The following WWOX variants were observed in gnomAD, a reference collection of about 807,000 sequenced individuals.
The protein encoded by WWOX is WW domain containing oxidoreductase.
In WWOX, 69 loss-of-function variants were observed where a neutral mutation model predicts 46.2. The ratio of observed to expected loss-of-function variants is 1.49; its 90% CI spans 1.23 to 1.82. The LOEUF (loss-of-function observed/expected upper bound fraction) is 1.82, where lower values mean the gene tolerates loss of function less well. WWOX is among the 40% of genes most tolerant of loss of function. The pLI, the probability that WWOX is intolerant of heterozygous loss-of-function variation, is 0.00. For synonymous variants in WWOX, 359 were observed against 202.6 expected, an observed-to-expected ratio of 1.77 and a Z score of -6.56; for missense variants, 919 against 542.6, an observed-to-expected ratio of 1.69 and a Z score of -6.89.
intron 5 of WWOX, among the ~76,000 whole-genome samples, chr16:78,312,720 C>T (rs552572285): frequency 6.6e-6 from 1 of 152,280 alleles, no homozygotes; most frequent in South Asian, 2.1e-4. Flanking sequence ...TAGGATTTCT[C>T]TGCATTGGAG....
intron 8 of WWOX, among the ~76,000 whole-genome samples, chr16:78,460,317 G>T (rs371489847): frequency 6.6e-6 from 1 of 152,054 alleles, no homozygotes; most frequent in Admixed American, 6.6e-5. Context: ...TAGTAGAGGC[G>T]GAGTTTCACC....
intron 8 of WWOX, among the ~76,000 whole-genome samples, chr16:78,661,022 A>T (rs1024520675): frequency 6.6e-6 from 1 of 152,184 alleles, no homozygotes; most frequent in Non-Finnish European, 1.5e-5. Flanking sequence ...ACTATTACAC[A>T]TGACTTAGTA....
At chr16:78,292,574 G>A (rs2079876788) in intron 5 of WWOX, among the ~76,000 whole-genome samples, 1 of 151,682 alleles carries the variant, frequency 6.6e-6, no homozygotes. Context: ...GTCGGACTTA[G>A]AATATTTAAA....
At chr16:78,886,406 A>G (rs2044459182) in intron 8 of WWOX, among the ~76,000 whole-genome samples, 1 of 151,850 alleles carries the variant, frequency 6.6e-6, no homozygotes, top group Non-Finnish European at 1.5e-5. Flanking sequence ...GTAATTTTGA[A>G]TGGTGGCTTC....
intron 8 of WWOX, among the ~76,000 whole-genome samples, chr16:78,610,339 C>A (rs1335708863): frequency 6.6e-6 from 1 of 152,088 alleles, no homozygotes; most frequent in Non-Finnish European, 1.5e-5. Flanking sequence ...AAAAAAGATT[C>A]AATTTCATTA....
chr16:78,265,665 C>G (rs1410819447), intron 5 of WWOX, among the ~76,000 whole-genome samples: 2 of 138,814 alleles, frequency 1.4e-5, no homozygotes, highest in Non-Finnish European at 3.0e-5. Flanking sequence ...GCAACAAGAG[C>G]GAAACTCCAT....
chr16:79,010,302 G>C (rs1274933131), intron 8 of WWOX, among the ~76,000 whole-genome samples: 1 of 152,212 alleles, frequency 6.6e-6, no homozygotes, highest in Non-Finnish European at 1.5e-5. Flanking sequence ...TTAGAGAGTG[G>C]CGTGTGCTGA....
At chr16:78,833,355 A>G (rs1180196477) in intron 8 of WWOX, among the ~76,000 whole-genome samples, 1 of 151,072 alleles carries the variant, frequency 6.6e-6, no homozygotes, top group Non-Finnish European at 1.5e-5. Flanking sequence ...CTCAACTTGC[A>G]CTCTTTCCTG....
intron 8 of WWOX, among the ~76,000 whole-genome samples, chr16:78,643,147 G>A (rs1325448777): frequency 1.3e-5 from 2 of 152,162 alleles, no homozygotes; most frequent in African/African-American, 4.8e-5. Flanking sequence ...CCAGACCCAA[G>A]AGGATCCGAC....
chr16:79,165,335 C>G (rs1345780628), intron 8 of WWOX, among the ~76,000 whole-genome samples: 1 of 152,116 alleles, frequency 6.6e-6, no homozygotes, highest in East Asian at 1.9e-4. Flanking sequence ...GGAAACTTGC[C>G]TGTTTGAAGC....
rs553469668 is a variant in WWOX at position 78,202,401 on chromosome 16, C to T, written c.516+38112C>T. On this transcript the variant is annotated intron_variant, in intron 5 of 8. Transcript: ENST00000566780. ...GTAGCTGGTCAGGTTTCTTAAATTCCGTCGATCTGGCTTTATCCATTTTAA... is the reference window on the plus strand; with the variant it reads ...GTAGCTGGTCAGGTTTCTTAAATTCTGTCGATCTGGCTTTATCCATTTTAA... Among the ~76,000 whole-genome samples, 7 of 152,290 alleles carry T rather than the reference C, an allele frequency of 4.6e-5. No homozygotes were observed. In the South Asian group the frequency reaches 1.0e-3, roughly 23 times the overall value.
intron 6 of WWOX, among the ~76,000 whole-genome samples, chr16:78,400,190 T>C (rs1472861383): frequency 6.6e-6 from 1 of 152,200 alleles, no homozygotes; most frequent in African/African-American, 2.4e-5. Flanking sequence ...AAAAGATATT[T>C]GAGCTGATAT....
At chr16:78,810,484 C>T (rs76634681) in intron 8 of WWOX, among the ~76,000 whole-genome samples, 1 of 152,160 alleles carries the variant, frequency 6.6e-6, no homozygotes, top group African/African-American at 2.4e-5. Context: ...ATTATGGGAA[C>T]CCCCTGTATC....
chr16:79,137,242 C>G (rs1051764606), intron 8 of WWOX, among the ~76,000 whole-genome samples: 36 of 152,138 alleles, frequency 2.4e-4, no homozygotes, highest in African/African-American at 8.2e-4. Flanking sequence ...CTCGATAGAC[C>G]TTATAGAAAT....
chr16:78,327,242 C>A lies in WWOX; in HGVS notation c.517-59618C>A, dbSNP rs148168505. ...AAGATGATAAATGGATGTGTCATATCGGGAAAGAAATCACTCTGTCATCAT... is the reference window on the plus strand; with the variant it reads ...AAGATGATAAATGGATGTGTCATATAGGGAAAGAAATCACTCTGTCATCAT... On this transcript the variant is annotated intron_variant, in intron 5 of 8. Coordinates refer to ENST00000566780, the MANE Select transcript of WWOX (RefSeq NM_016373.4). Among the ~76,000 whole-genome samples, 108 of 152,262 alleles carry A rather than the reference C, an allele frequency of 7.1e-4. 1 individual carries two copies. In the East Asian group the frequency reaches 0.02, roughly 28 times the overall value.
intron 8 of WWOX, among the ~76,000 whole-genome samples, chr16:78,485,331 C>T (rs555057395): frequency 2.5e-3 from 378 of 152,144 alleles, no homozygotes; most frequent in Non-Finnish European, 4.6e-3. Flanking sequence ...TCGATTTTGG[C>T]TCTGTGTTGG....
At chr16:78,948,333 G>A (rs116104948) in intron 8 of WWOX, among the ~76,000 whole-genome samples, 1,894 of 152,254 alleles carry the variant, frequency 0.012, 42 homozygotes, top group African/African-American at 0.044. Context: ...CTCCCTTTTA[G>A]AAGTTTCCAG....
intron 8 of WWOX, among the ~76,000 whole-genome samples, chr16:78,995,527 T>G (rs1398944997): frequency 6.6e-6 from 1 of 152,046 alleles, no homozygotes; most frequent in African/African-American, 2.4e-5. Flanking sequence ...GAGAGCATTC[T>G]TCTAACTGAA....
At chr16:78,856,743 T>C (rs933010191) in intron 8 of WWOX, among the ~76,000 whole-genome samples, 1 of 152,178 alleles carries the variant, frequency 6.6e-6, no homozygotes, top group Admixed American at 6.5e-5. Flanking sequence ...AATAGAAATA[T>C]ACATGTACAT....
Sources: allele counts gnomAD v4.1 joint callset (sites outside exome capture counted in the v4.1 genomes callset), GRCh38; gene constraint gnomAD v4.1.1; transcripts MANE v1.5; gene names NCBI Gene and HGNC (gene_info 2026-07-23, HGNC 2026-07-21).